The following OVCH1 variants were observed in gnomAD, a reference collection of about 807,000 sequenced individuals.
OVCH1 encodes ovochymase-1.
A neutral mutation model predicts 138.4 loss-of-function variants in OVCH1; 139 were observed. That is an observed-to-expected ratio of 1.00 (90% CI 0.87 to 1.16). The LOEUF is 1.16. Among genes scored for constraint, OVCH1 ranks in the 50% most tolerant of loss-of-function variants. The pLI is 0.00. For missense variants in OVCH1, 1,367 were observed against 1,357.9 expected, an observed-to-expected ratio of 1.01 and a Z score of -0.11; for synonymous variants, 453 against 467.8, an observed-to-expected ratio of 0.97 and a Z score of 0.41.
At chr12:29,414,124 C>T (rs1416620126) in intron 3 of OVCH1, among the ~76,000 whole-genome samples, 1 of 149,570 alleles carries the variant, frequency 6.7e-6, no homozygotes, top group African/African-American at 2.5e-5. Flanking sequence ...CTTCCAGGTT[C>T]AAGTGATTCT....
At chr12:29,419,454 AT>A (rs5797322) in intron 3 of OVCH1, among the ~76,000 whole-genome samples, 143,764 of 146,330 alleles carry the variant, frequency 0.98, 70,645 homozygotes, top group East Asian at 1. Flanking sequence ...TGCCCGGCTA[AT>A]TTTTTTTTTT....
Position 29,451,474 on chromosome 12 carries a change from C to G in OVCH1, c.2626G>C (p.Val876Leu), listed in dbSNP as rs1362150835. The G allele has an allele frequency of 3.1e-6, 5 of 1,613,192 alleles. No individual in the cohort carries two copies. In the African/African-American group the frequency reaches 6.7e-5, roughly 22 times the overall value. The change falls in exon 22 of 28, where the codon GTG becomes CTG. Residue 876 changes from valine to leucine, a missense_variant. Val to Leu is a conservative substitution (Grantham distance 32, BLOSUM62 1). Coordinates refer to ENST00000318184, the Ensembl canonical transcript of OVCH1. ...ATACTGCTTGCTGAAACTCTGAGCA[C>G]CCAAGAACATTCCAGTCTTCCTCTA...
exon 23 of OVCH1, chr12:29,445,359 G>A (rs7967676): frequency 0.051 from 82,887 of 1,610,788 alleles, 2,525 homozygotes; most frequent in Non-Finnish European, 0.061. Flanking sequence ...AGCGGTCCAG[G>A]ACTCATGAAA....
At chr12:29,496,128 A>C (rs1424543003) in intron 3 of OVCH1, 53 bp downstream of exon 3, 1 of 1,474,520 alleles carries the variant, frequency 6.8e-7, no homozygotes. Context: ...CAAATCTGCC[A>C]GTCGCATAGC....
At chr12:29,465,384 TG>T (rs1942280613) in intron 16 of OVCH1, among the ~76,000 whole-genome samples, 165 bp from the exon 17 acceptor site, 1 of 152,164 alleles carries the variant, frequency 6.6e-6, no homozygotes, top group African/African-American at 2.4e-5. Context: ...TCTGCATGGC[TG>T]GGGAGGCCTC....
At chr12:29,442,339 G>T (rs1204513810) in intron 25 of OVCH1, among the ~76,000 whole-genome samples, 1 of 148,386 alleles carries the variant, frequency 6.7e-6, no homozygotes, top group African/African-American at 2.5e-5. Context: ...GGATGAAATT[G>T]GAAATCATCA....
chr12:29,473,745 C>A (rs1942597070), intron 14 of OVCH1, among the ~76,000 whole-genome samples: 1 of 152,014 alleles, frequency 6.6e-6, no homozygotes, highest in Non-Finnish European at 1.5e-5. Flanking sequence ...AAGTATTAAT[C>A]CTGGGTGTGT....
At chr12:29,429,808 G>C (rs1043940357) in intron 27 of OVCH1, among the ~76,000 whole-genome samples, 24 of 152,254 alleles carry the variant, frequency 1.6e-4, no homozygotes, top group Middle Eastern at 3.4e-3. Flanking sequence ...ATCAAAAAGA[G>C]AAGTTACTTG....
At position 29,477,160 on chromosome 12, in the gene OVCH1, T is replaced by G. The variant is rs200217098; in HGVS notation, c.1319A>C (p.Tyr440Ser). 2.6e-4 allele frequency: 418 copies of G among 1,613,648 alleles called. 1 individual carries two copies. Among genetic ancestry groups the G allele is most frequent in the Non-Finnish European group, 2.3e-5 (27 of 1,179,756 alleles). Residue 440 changes from tyrosine to serine, a missense_variant, in exon 12 of 28, where the codon TAT (tyrosine) becomes TCT (serine). Transcript: ENST00000318184. ...CCAATGACACCTTGTGTTACTGGGA[T>G]ACAAATCAGGATACTTGGCAGAGTG...
At chr12:29,481,143 T>A (rs948240661) in intron 8 of OVCH1, among the ~76,000 whole-genome samples, 4 of 151,984 alleles carry the variant, frequency 2.6e-5, no homozygotes, top group African/African-American at 9.7e-5. Context: ...TATTAACCTG[T>A]AGTTCAAATT....
At chr12:29,450,010 A>G (rs1029276801) in intron 22 of OVCH1, among the ~76,000 whole-genome samples, 2 of 152,198 alleles carry the variant, frequency 1.3e-5, no homozygotes, top group African/African-American at 2.4e-5. Flanking sequence ...TTATACAAAA[A>G]TTAACGCAAG....
rs369276025 is a variant in OVCH1 at position 29,413,632 on chromosome 12, T to A, written c.*72-907A>T. On this transcript the variant is annotated intron_variant and NMD_transcript_variant, in intron 3 of 4. Coordinates refer to the OVCH1 transcript ENST00000539117. Reference sequence around the variant, plus strand: ...CCAAAATGTGTTTATATATAAACAATGTGCATTTATGTATGTGTCTGTGTG... The same window carrying A: ...CCAAAATGTGTTTATATATAAACAAAGTGCATTTATGTATGTGTCTGTGTG... Among the ~76,000 whole-genome samples, 6 of 151,276 alleles carry A rather than the reference T, an allele frequency of 4.0e-5. No homozygotes were observed. The East Asian group carries it at 1.2e-3, about 30-fold the overall frequency.
At chr12:29,440,309 T>C (rs556147960) in intron 25 of OVCH1, among the ~76,000 whole-genome samples, 1 of 152,186 alleles carries the variant, frequency 6.6e-6, no homozygotes, top group Non-Finnish European at 1.5e-5. Context: ...TAATTCTAAG[T>C]AAAGAACAGA....
chr12:29,419,031 G>A (rs1565561831), intron 3 of OVCH1, among the ~76,000 whole-genome samples: 1 of 151,584 alleles, frequency 6.6e-6, no homozygotes, highest in East Asian at 1.9e-4. Context: ...ATTTTTTTTA[G>A]TTTTTTGTAG....
At chr12:29,491,020 G>T in intron 5 of OVCH1, 77 bp downstream of exon 5, 1 of 1,235,572 alleles carries the variant, frequency 8.1e-7, no homozygotes, top group Non-Finnish European at 1.2e-6. Context: ...ACTACTCATG[G>T]TCAACAAAAT....
chr12:29,425,675 C>A (rs1433517714), downstream of OVCH1, among the ~76,000 whole-genome samples: 1 of 152,114 alleles, frequency 6.6e-6, no homozygotes, highest in Non-Finnish European at 1.5e-5. Context: ...ATAATGTAAC[C>A]TACCTACATA....
At chr12:29,451,532 G>A (rs1373239647) in exon 22 of OVCH1, 3 of 1,612,706 alleles carry the variant, frequency 1.9e-6, no homozygotes, top group South Asian at 2.2e-5. Flanking sequence ...TGGGAAAAAA[G>A]CCTCTAGGCT....
intron 8 of OVCH1, among the ~76,000 whole-genome samples, chr12:29,485,557 G>A (rs749765499): frequency 2.6e-5 from 4 of 151,920 alleles, no homozygotes; most frequent in African/African-American, 2.4e-5. Flanking sequence ...GGCGGATTAC[G>A]AGGTCAGGAG....
At chr12:29,488,943 C>T (rs1943197921) in intron 6 of OVCH1, among the ~76,000 whole-genome samples, 1 of 152,116 alleles carries the variant, frequency 6.6e-6, no homozygotes, top group African/African-American at 2.4e-5. Flanking sequence ...CGAAGAAAAA[C>T]TCAAAAATCC....
Sources: allele counts gnomAD v4.1 joint callset (sites outside exome capture counted in the v4.1 genomes callset), GRCh38; gene constraint gnomAD v4.1.1; transcripts MANE v1.5; gene names NCBI Gene and HGNC (gene_info 2026-07-23, HGNC 2026-07-21).